Variants in DLGAP2 observed in about 807,000 individuals in gnomAD.
DLGAP2 encodes disks large-associated protein 2.
A neutral mutation model predicts 100.3 loss-of-function variants in DLGAP2; 26 were observed. The ratio of observed to expected loss-of-function variants is 0.26; its 90% CI spans 0.19 to 0.36. DLGAP2 has a LOEUF of 0.36. DLGAP2 is among the 10% of genes least tolerant of loss of function. DLGAP2 has a pLI of 1.00. For synonymous variants in DLGAP2, 886 were observed against 630.1 expected, an observed-to-expected ratio of 1.41 and a Z score of -6.08; for missense variants, 1,858 against 1,453.2, an observed-to-expected ratio of 1.28 and a Z score of -4.53.
chr8:1,466,040 G>C (rs1197263656), intron 3 of DLGAP2, among the ~76,000 whole-genome samples: 3 of 152,186 alleles, frequency 2.0e-5, no homozygotes, highest in Non-Finnish European at 4.4e-5. Context: ...GTGGGCGAAA[G>C]CCGGTTGCAT....
At chr8:1,516,317 G>C (rs1800377979) in intron 4 of DLGAP2, among the ~76,000 whole-genome samples, 1 of 152,168 alleles carries the variant, frequency 6.6e-6, no homozygotes, top group Non-Finnish European at 1.5e-5. Context: ...ATGAGGGAGG[G>C]AGGGAGTGAA....
chr8:778,673 C>T (rs75329432), intron 1 of DLGAP2, among the ~76,000 whole-genome samples: 1 of 152,194 alleles, frequency 6.6e-6, no homozygotes, highest in Admixed American at 6.5e-5. Flanking sequence ...GGTCAGGCAC[C>T]CACTTGAGGA....
intron 1 of DLGAP2, among the ~76,000 whole-genome samples, chr8:889,192 G>A (rs1016045332): frequency 6.6e-6 from 1 of 152,198 alleles, no homozygotes; most frequent in Non-Finnish European, 1.5e-5. Flanking sequence ...CTTTTGTGGT[G>A]AAATGTCATC....
At chr8:827,697 G>T (rs1796707519) in intron 1 of DLGAP2, among the ~76,000 whole-genome samples, 1 of 152,194 alleles carries the variant, frequency 6.6e-6, no homozygotes, top group Non-Finnish European at 1.5e-5. Flanking sequence ...AATTCTGAAT[G>T]TAGAAATCTA....
chr8:1,323,308 G>A (rs1800948576), intron 3 of DLGAP2, among the ~76,000 whole-genome samples: 2 of 152,166 alleles, frequency 1.3e-5, no homozygotes, highest in Admixed American at 6.5e-5. Flanking sequence ...AGGATTACAG[G>A]CATGAGCCAC....
In DLGAP2 at chr8:1,242,069, C is replaced by T. The variant is rs146674035; in HGVS notation, c.74-16782C>T. On this transcript the variant is annotated intron_variant, in intron 2 of 14. Coordinates refer to ENST00000637795, the MANE Select transcript of DLGAP2 (RefSeq NM_001346810.2). Reference sequence around the variant, plus strand: ...TATATTCCAGTATAATTTGGTATAACGGGATTTAATTTGTTTGTAGATAAA... The same window carrying T: ...TATATTCCAGTATAATTTGGTATAATGGGATTTAATTTGTTTGTAGATAAA... Among the ~76,000 whole-genome samples, 241 of 152,196 alleles carry T rather than the reference C, an allele frequency of 1.6e-3. 1 individual carries two copies. Among genetic ancestry groups the T allele is most frequent in the African/African-American group, 2.5e-3 (104 of 41,508 alleles).
At chr8:1,127,030 G>C (rs988935451) in intron 2 of DLGAP2, among the ~76,000 whole-genome samples, 17 of 144,506 alleles carry the variant, frequency 1.2e-4, no homozygotes, top group African/African-American at 4.2e-4. Flanking sequence ...CCTGTCCCCA[G>C]CCCAGCTCTT....
At chr8:1,514,591 C>T (rs1044770691) in intron 4 of DLGAP2, among the ~76,000 whole-genome samples, 1 of 152,206 alleles carries the variant, frequency 6.6e-6, no homozygotes, top group Admixed American at 6.5e-5. Context: ...TGTTTCTCAC[C>T]TCCAGGCGCC....
At chr8:1,630,939 T>A (rs1267013054) in intron 7 of DLGAP2, among the ~76,000 whole-genome samples, 2 of 147,254 alleles carry the variant, frequency 1.4e-5, no homozygotes, top group African/African-American at 5.0e-5. Flanking sequence ...GTCCCGAGGG[T>A]CTCGGCGGGA....
At chr8:1,683,356 C>T (rs1033638122) in intron 12 of DLGAP2, among the ~76,000 whole-genome samples, 3 of 151,340 alleles carry the variant, frequency 2.0e-5, no homozygotes, top group Non-Finnish European at 4.4e-5. Flanking sequence ...AACAGAGGCC[C>T]CTTTGTCTCC....
rs745476759 is a variant in DLGAP2, at chr8:1,697,257, G to T, written c.2907G>T (p.Leu969=). 4 of 1,610,580 alleles carry T rather than the reference G, an allele frequency of 2.5e-6. No individual in the cohort carries two copies. Among genetic ancestry groups the T allele is most frequent in the Non-Finnish European group, 3.4e-6 (4 of 1,178,048 alleles). Residue 969 remains leucine (L), a synonymous_variant, in exon 14 of 15, where the codon CTG becomes CTT. Transcript: ENST00000637795. ...TGAAGTTCGACGAGCTGCAGCGGCT[G>T]CGGCTCAACGACTGGAAGATGATGG... ...VSMKFDELQR[L]RLNDWKMMES... is the part of the protein sequence containing the mutation.
At chr8:1,465,100 G>T (rs1488383253) in intron 3 of DLGAP2, among the ~76,000 whole-genome samples, 1 of 152,196 alleles carries the variant, frequency 6.6e-6, no homozygotes, top group African/African-American at 2.4e-5. Context: ...ACATTCACCT[G>T]GCGGGAACCT....
chr8:1,419,000 C>G (rs1185953028), intron 3 of DLGAP2, among the ~76,000 whole-genome samples: 1 of 152,250 alleles, frequency 6.6e-6, no homozygotes, highest in African/African-American at 2.4e-5. Context: ...CACAGCCGAA[C>G]GAAGGGGCAC....
intron 3 of DLGAP2, among the ~76,000 whole-genome samples, chr8:1,485,785 G>C (rs1317880200): frequency 2.6e-5 from 4 of 152,216 alleles, no homozygotes; most frequent in Non-Finnish European, 5.9e-5. Context: ...AGCACTTTGG[G>C]AGGCTGAGGC....
At chr8:807,838 G>A (rs1406186945) in intron 1 of DLGAP2, among the ~76,000 whole-genome samples, 2 of 152,260 alleles carry the variant, frequency 1.3e-5, no homozygotes, top group African/African-American at 4.8e-5. Flanking sequence ...CGGGGGTGCT[G>A]GTGCACAGGA....
intron 12 of DLGAP2, among the ~76,000 whole-genome samples, chr8:1,686,936 G>C (rs1799131015): frequency 6.6e-6 from 1 of 152,154 alleles, no homozygotes. Flanking sequence ...ATCCTGATTT[G>C]ATCTTAGCAC....
chr8:797,325 TG>T (rs1796056915), intron 1 of DLGAP2, among the ~76,000 whole-genome samples: 1 of 152,274 alleles, frequency 6.6e-6, no homozygotes, highest in African/African-American at 2.4e-5. Context: ...TTTTTGACTT[TG>T]CTTATTTCAC....
At chr8:1,376,087 T>C (rs112473830) in intron 3 of DLGAP2, among the ~76,000 whole-genome samples, 3 of 130,600 alleles carry the variant, frequency 2.3e-5, no homozygotes, top group Non-Finnish European at 3.5e-5. Context: ...ACCTCCTACA[T>C]TTGGGTTAAC....
intron 4 of DLGAP2, among the ~76,000 whole-genome samples, chr8:1,545,090 C>G (rs562267730): frequency 1.3e-5 from 2 of 152,210 alleles, no homozygotes; most frequent in African/African-American, 2.4e-5. Flanking sequence ...GTTTTCTTTT[C>G]TTGTCTTTAT....
Sources: gnomAD v4.1 joint callset for allele counts (sites outside exome capture counted in the v4.1 genomes callset) on GRCh38, gnomAD v4.1.1 for gene constraint, MANE v1.5 for transcripts, NCBI Gene and HGNC (gene_info 2026-07-23, HGNC 2026-07-21) for gene names.